Variants in CNTN4 observed in about 807,000 individuals in gnomAD.
CNTN4 encodes contactin-4.
In CNTN4, 77 loss-of-function variants were observed where a neutral mutation model predicts 122.5. The observed-to-expected ratio is 0.63, with a 90% CI of 0.52 to 0.76. CNTN4 has a LOEUF of 0.76. Among genes scored for constraint, CNTN4 ranks in the 30% least tolerant of loss-of-function variants. The pLI is 0.00. For missense variants in CNTN4, 1,256 were observed against 1,259.1 expected (o/e 1.00, Z 0.04); for synonymous variants, 512 against 447.0 (o/e 1.15, Z -1.83).
intron 2 of CNTN4, among the ~76,000 whole-genome samples, chr3:2,215,646 G>A (rs2038803717): frequency 6.6e-6 from 1 of 152,016 alleles, no homozygotes; most frequent in Non-Finnish European, 1.5e-5. Flanking sequence ...ACTTTGGGAG[G>A]CCGAGGCACG....
At chr3:2,132,232 A>T (rs941899182) in intron 2 of CNTN4, 1 of 152,190 alleles carries the variant, frequency 6.6e-6, no homozygotes, top group Non-Finnish European at 1.5e-5. Flanking sequence ...AGTGTGCCAG[A>T]CATGTAAATT....
chr3:2,849,986 C>CTTTTTT lies in CNTN4; in HGVS notation c.455-16763_455-16758dup, dbSNP rs746657018. Among the ~76,000 whole-genome samples the CTTTTTT allele has an allele frequency of 1.3e-4, 18 of 140,694 alleles. 1 individual carries two copies. The highest frequency in any genetic ancestry group is 7.9e-5 in the African/African-American group (3 of 37,916). 92.3% of individuals were successfully genotyped at this position (140,694 alleles called of 152,430 possible). A position where few individuals can be genotyped will look rare whatever the true frequency, so the allele number is the denominator to read the frequency against. On this transcript the variant is annotated intron_variant, in intron 7 of 24. Transcript: ENST00000418658. ...CCATTTTGGAAAATGTTAGCAATCA[C>CTTTTTT]TTTTTTTTCTTTTTTTTTTCTGAGA...
At chr3:2,505,694 T>C (rs986709079) in intron 3 of CNTN4, among the ~76,000 whole-genome samples, 12 of 152,208 alleles carry the variant, frequency 7.9e-5, no homozygotes. Flanking sequence ...TAAAGGTTGA[T>C]TTCCCTATAT....
intron 23 of CNTN4, among the ~76,000 whole-genome samples, 191 bp from the exon 24 acceptor site, chr3:3,053,616 T>G (rs1379021865): frequency 6.6e-6 from 1 of 152,190 alleles, no homozygotes; most frequent in Admixed American, 6.5e-5. Flanking sequence ...TTTCAGCTCT[T>G]TCCTTGGAAT....
chr3:2,731,310 A>G (rs1353032748), intron 4 of CNTN4, among the ~76,000 whole-genome samples: 1 of 152,078 alleles, frequency 6.6e-6, no homozygotes, highest in Non-Finnish European at 1.5e-5. Flanking sequence ...CCTTCCCTTT[A>G]TGAAGATGGG....
At chr3:2,641,526 C>T (rs1465539916) in intron 4 of CNTN4, among the ~76,000 whole-genome samples, 1 of 152,146 alleles carries the variant, frequency 6.6e-6, no homozygotes, top group African/African-American at 2.4e-5. Flanking sequence ...ACAAGTTCAT[C>T]AACTTGATTC....
At chr3:2,561,138 A>C (rs1475423721) in intron 3 of CNTN4, among the ~76,000 whole-genome samples, 1 of 152,128 alleles carries the variant, frequency 6.6e-6, no homozygotes, top group African/African-American at 2.4e-5. Context: ...TCTGACACCT[A>C]ATATATTAGG....
intron 4 of CNTN4, among the ~76,000 whole-genome samples, chr3:2,619,661 C>T (rs1437112225): frequency 1.3e-5 from 2 of 152,222 alleles, no homozygotes; most frequent in African/African-American, 4.8e-5. Context: ...TCACACAGCA[C>T]ATTTCAGGAC....
intron 14 of CNTN4, among the ~76,000 whole-genome samples, chr3:3,009,680 T>G (rs371386498): frequency 4.9e-4 from 74 of 152,060 alleles, no homozygotes; most frequent in East Asian, 2.9e-3. Flanking sequence ...TGATCTGCCC[T>G]CCTCGGCCTC....
intron 2 of CNTN4, among the ~76,000 whole-genome samples, chr3:2,229,272 G>C (rs1284174676): frequency 6.6e-6 from 1 of 152,072 alleles, no homozygotes; most frequent in Non-Finnish European, 1.5e-5. Context: ...AATGGGTTTT[G>C]GGTATTATTA....
intron 3 of CNTN4, among the ~76,000 whole-genome samples, chr3:2,355,547 T>A (rs2150491882): frequency 6.6e-6 from 1 of 152,306 alleles, no homozygotes; most frequent in South Asian, 2.1e-4. Context: ...CTGGGACCTA[T>A]TTCAGGGACC....
intron 2 of CNTN4, among the ~76,000 whole-genome samples, chr3:2,303,502 C>T (rs532101093): frequency 6.6e-6 from 1 of 152,188 alleles, no homozygotes; most frequent in South Asian, 2.1e-4. Context: ...TTTTAAGGTT[C>T]ACCAGGTTAT....
At position 2,819,502 on chromosome 3, in the gene CNTN4, A is replaced by G. The variant is rs1022600859; in HGVS notation, c.375A>G (p.Lys125=). The stretch of plus-strand genomic sequence containing the variant: ...TCCCAACAGATCTTGACAACTTTAA[A>G]ACAAGAACAAGAAGCACTGTGTCTG... The part of the protein sequence containing the change: ...KLQFAYLDNF[K]TRTRSTVSVR... Residue 125 remains lysine, a synonymous_variant, in exon 7 of 25, where the codon AAA becomes AAG. Transcript: ENST00000418658. The G allele has an allele frequency of 1.9e-6, 3 of 1,613,968 alleles. No individual in the cohort carries two copies. Among genetic ancestry groups the G allele is most frequent in the African/African-American group, 1.3e-5 (1 of 74,934 alleles).
intron 13 of CNTN4, among the ~76,000 whole-genome samples, chr3:2,944,697 C>T (rs539861263): frequency 1.3e-5 from 2 of 152,266 alleles, no homozygotes; most frequent in South Asian, 4.1e-4. Flanking sequence ...AACATGAATG[C>T]TCTCTTGAAC....
At chr3:2,546,231 A>T (rs1559217056) in intron 3 of CNTN4, among the ~76,000 whole-genome samples, 1 of 152,084 alleles carries the variant, frequency 6.6e-6, no homozygotes. Flanking sequence ...CACTATTCAC[A>T]ATAGCAAAGA....
At chr3:2,181,539 G>A (rs6773760) in intron 2 of CNTN4, among the ~76,000 whole-genome samples, 2,826 of 152,108 alleles carry the variant, frequency 0.019, 92 homozygotes, top group African/African-American at 0.065. Context: ...ACTTGGAATG[G>A]GGCTCTGAGT....
chr3:2,459,086 A>G (rs769821386), intron 3 of CNTN4, among the ~76,000 whole-genome samples: 1 of 152,148 alleles, frequency 6.6e-6, no homozygotes, highest in Non-Finnish European at 1.5e-5. Context: ...CCCTGTGGTT[A>G]TGAAAATTAT....
At chr3:2,751,330 TA>T (rs933800771) in intron 6 of CNTN4, among the ~76,000 whole-genome samples, 4 of 151,154 alleles carry the variant, frequency 2.6e-5, no homozygotes, top group African/African-American at 4.9e-5. Flanking sequence ...AAAATAAAAA[TA>T]AAAAAAATAA....
intron 2 of CNTN4, among the ~76,000 whole-genome samples, chr3:2,235,476 C>T (rs913025528): frequency 6.6e-6 from 1 of 152,012 alleles, no homozygotes; most frequent in Non-Finnish European, 1.5e-5. Flanking sequence ...TTTTCCTCCC[C>T]TTTTTCTAAT....
Sources: gnomAD v4.1 joint callset for allele counts (sites outside exome capture counted in the v4.1 genomes callset) on GRCh38, gnomAD v4.1.1 for gene constraint, MANE v1.5 for transcripts, NCBI Gene and HGNC (gene_info 2026-07-23, HGNC 2026-07-21) for gene names.